The following NEDD9 variants were observed in gnomAD, a reference collection of about 807,000 sequenced individuals.
NEDD9 encodes neural precursor cell expressed, developmentally down-regulated 9.
Under a neutral mutation model 76.6 loss-of-function variants are expected in NEDD9, and 26 were observed. The observed-to-expected ratio is 0.34, with a 90% confidence interval of 0.25 to 0.47. NEDD9 has a LOEUF of 0.47. Ranked by LOEUF, NEDD9 falls within the 20% of genes least tolerant of loss-of-function variation. The pLI is 1.00. For synonymous variants in NEDD9, 392 were observed against 414.2 expected (o/e 0.95, Z 0.65); for missense variants, 937 against 1,058.5 (o/e 0.89, Z 1.59).
At position 11,335,813 on chromosome 6, in the gene NEDD9, A is replaced by T. The variant is rs2113512937; in HGVS notation, c.-213-1252T>A. ...CTAGTTATAAGGATCTAAAATTCAC[A>T]GTCCCAAACCACAATTCCTTTTGCA... On this transcript the variant is annotated intron_variant, in intron 1 of 3. Coordinates refer to the NEDD9 transcript ENST00000397378. 2.0e-5 allele frequency among the ~76,000 whole-genome samples: 3 copies of T among 152,366 alleles called. No homozygotes were observed. The Middle Eastern group carries it at 0.01, about 518-fold the overall frequency.
intron 3 of NEDD9, among the ~76,000 whole-genome samples, chr6:11,250,919 A>G (rs938604538): frequency 3.3e-5 from 5 of 152,118 alleles, no homozygotes; most frequent in African/African-American, 4.8e-5. Flanking sequence ...TTAATTATGA[A>G]CTTTGAGCCA....
At chr6:11,377,407 C>T (rs1380947454) in intron 1 of NEDD9, among the ~76,000 whole-genome samples, 1 of 152,242 alleles carries the variant, frequency 6.6e-6, no homozygotes, top group African/African-American at 2.4e-5. Context: ...CCTTAGGAGT[C>T]CACTGTTATA....
At chr6:11,255,293 G>C (rs960411047) in intron 3 of NEDD9, among the ~76,000 whole-genome samples, 4 of 152,224 alleles carry the variant, frequency 2.6e-5, no homozygotes, top group Non-Finnish European at 5.9e-5. Context: ...CCCCAGAAGG[G>C]GGTGATTCAT....
At chr6:11,264,816 G>A (rs1158953689) in intron 3 of NEDD9, among the ~76,000 whole-genome samples, 2 of 152,200 alleles carry the variant, frequency 1.3e-5, no homozygotes, top group African/African-American at 4.8e-5. Context: ...GAAAAGCACA[G>A]TTTAAAAATA....
chr6:11,311,768 G>A (rs532902716), intron 2 of NEDD9, among the ~76,000 whole-genome samples: 1 of 152,182 alleles, frequency 6.6e-6, no homozygotes, highest in Non-Finnish European at 1.5e-5. Context: ...AGCACTTTGG[G>A]TCGGGCGCAG....
At chr6:11,242,130 C>T (rs192209267) in intron 3 of NEDD9, among the ~76,000 whole-genome samples, 117 of 152,268 alleles carry the variant, frequency 7.7e-4, no homozygotes, top group Non-Finnish European at 1.2e-3. Context: ...CTTGACTTGC[C>T]GAACGGAGTA....
chr6:11,254,309 T>C (rs1342258590), intron 3 of NEDD9, among the ~76,000 whole-genome samples: 2 of 151,964 alleles, frequency 1.3e-5, no homozygotes, highest in African/African-American at 4.8e-5. Flanking sequence ...TTAGTAGAGA[T>C]GGGGTTTCGC....
chr6:11,220,042 T>C (rs1759093994), intron 1 of NEDD9, among the ~76,000 whole-genome samples: 1 of 152,186 alleles, frequency 6.6e-6, no homozygotes, highest in Admixed American at 6.5e-5. Flanking sequence ...ATATAAGATA[T>C]GCTAATTTTT....
chr6:11,273,620 G>C (rs1416580528), intron 3 of NEDD9, among the ~76,000 whole-genome samples: 1 of 152,178 alleles, frequency 6.6e-6, no homozygotes, highest in Non-Finnish European at 1.5e-5. Flanking sequence ...CTTGCCAGTG[G>C]CTTGATATGA....
chr6:11,381,525 T>A (rs1440155924), intron 1 of NEDD9, among the ~76,000 whole-genome samples: 3 of 152,212 alleles, frequency 2.0e-5, no homozygotes, highest in Non-Finnish European at 2.9e-5. Context: ...ATGAATGGGC[T>A]AAGTGAAAGA....
chr6:11,227,519 C>T (rs1759339968), intron 1 of NEDD9, among the ~76,000 whole-genome samples: 1 of 152,170 alleles, frequency 6.6e-6, no homozygotes. Context: ...AACAGAAATG[C>T]CTTTCTTCAA....
At chr6:11,375,023 G>A (rs529761258) in intron 1 of NEDD9, among the ~76,000 whole-genome samples, 3 of 152,222 alleles carry the variant, frequency 2.0e-5, no homozygotes, top group South Asian at 4.1e-4. Context: ...CTAACTTGAG[G>A]CAAAATTTTC....
At chr6:11,191,998 C>G (rs976877309) in intron 4 of NEDD9, among the ~76,000 whole-genome samples, 4 of 152,170 alleles carry the variant, frequency 2.6e-5, no homozygotes, top group African/African-American at 9.7e-5. Context: ...GAGCGAGACC[C>G]TGTCTCAAAC....
At chr6:11,323,623 G>A (rs1761859532) in intron 2 of NEDD9, among the ~76,000 whole-genome samples, 1 of 152,198 alleles carries the variant, frequency 6.6e-6, no homozygotes. Flanking sequence ...TTCCACAACA[G>A]AAAACTGTCT....
intron 2 of NEDD9, chr6:11,199,059 A>T (rs1474910986): frequency 6.6e-6 from 1 of 152,228 alleles, no homozygotes; most frequent in Non-Finnish European, 1.5e-5. Context: ...ATGTGACATG[A>T]ACACCTGGGT....
intron 1 of NEDD9, among the ~76,000 whole-genome samples, chr6:11,229,763 A>G (rs1759416391): frequency 1.3e-5 from 2 of 152,258 alleles, no homozygotes; most frequent in African/African-American, 4.8e-5. Flanking sequence ...ATAAAAACAT[A>G]CAGGGAAATA....
chr6:11,296,669 CCTTTCCTTTCCCTTCCTT>C (rs1356475278), intron 3 of NEDD9, among the ~76,000 whole-genome samples: 11 of 124,334 alleles, frequency 8.8e-5, no homozygotes, highest in Non-Finnish European at 1.7e-4. Context: ...CCTTTCCTTT[CCTTTCCTTTCCCTTCCTT>C]CCTTCCTTCC....
intron 1 of NEDD9, among the ~76,000 whole-genome samples, chr6:11,374,058 C>CTA (rs1173531412): frequency 1.3e-5 from 2 of 151,440 alleles, no homozygotes; most frequent in African/African-American, 4.9e-5. Flanking sequence ...CTCTCTCTCT[C>CTA]TCTCTCTCTA....
chr6:11,305,204 T>C (rs780290123), intron 3 of NEDD9: 63 of 1,177,132 alleles, frequency 5.4e-5, no homozygotes, highest in Admixed American at 2.7e-5. Flanking sequence ...GATAAGGGAA[T>C]TTACCTTTTT....
Sources: gnomAD v4.1 joint callset for allele counts (sites outside exome capture counted in the v4.1 genomes callset) on GRCh38, gnomAD v4.1.1 for gene constraint, MANE v1.5 for transcripts, NCBI Gene and HGNC (gene_info 2026-07-23, HGNC 2026-07-21) for gene names.